Variants in PUM3 observed in about 807,000 individuals in gnomAD.
PUM3 encodes the protein pumilio homolog 3.
In PUM3, 91 loss-of-function variants were observed where a neutral mutation model predicts 84.0. The ratio of observed to expected loss-of-function variants is 1.08; its 90% CI spans 0.91 to 1.29. The LOEUF is 1.29. Ranked by LOEUF, PUM3 falls within the 50% of genes most tolerant of loss-of-function variation. The pLI is 0.00. For synonymous variants in PUM3, 321 were observed against 266.7 expected (o/e 1.20, Z -1.98); for missense variants, 1,067 against 767.5 (o/e 1.39, Z -4.61).
In PUM3 at chr9:2,831,284, C is replaced by T. The variant is rs931246335; in HGVS notation, c.577G>A (p.Glu193Lys). The change falls in exon 6 of 18, where the codon GAA becomes AAA. Residue 193 changes from glutamate (E) to lysine (K), a missense_variant. Coordinates refer to ENST00000397885, the MANE Select transcript of PUM3 (RefSeq NM_014878.5). ...IQCYIQYGNE[E>K]QRKQAFEELR... ...TCTTCAAAAGCCTGTTTTCTCTGTT[C>T]TTCATTACCATACTGAATGTAACAC... 6.2e-7 allele frequency: 1 copy of T among 1,609,012 alleles called. No homozygotes were observed.
intron 1 of PUM3, among the ~76,000 whole-genome samples, chr9:2,842,242 C>T (rs906496309): frequency 6.6e-6 from 1 of 152,142 alleles, no homozygotes; most frequent in African/African-American, 2.4e-5. Flanking sequence ...CCCATTCAGG[C>T]TCCTGTTACC....
chr9:2,836,184 A>G (rs1816115684), intron 3 of PUM3, among the ~76,000 whole-genome samples: 3 of 152,138 alleles, frequency 2.0e-5, no homozygotes, highest in Non-Finnish European at 1.5e-5. Context: ...TCCCTCTGGT[A>G]AGCAGCCCTT....
chr9:2,816,152 T>C (rs114182701), intron 13 of PUM3, among the ~76,000 whole-genome samples: 2,270 of 152,250 alleles, frequency 0.015, 74 homozygotes, highest in African/African-American at 0.051. Flanking sequence ...CTTACGGTAG[T>C]TTGCTATGGG....
chr9:2,841,700 T>C (rs4741768), intron 1 of PUM3, among the ~76,000 whole-genome samples: 69,865 of 150,086 alleles, frequency 0.47, 16,637 homozygotes, highest in South Asian at 0.58. Flanking sequence ...CCTGCAGCAA[T>C]TACTGCTGCA....
At chr9:2,813,302 T>C (rs1821407538) in intron 13 of PUM3, among the ~76,000 whole-genome samples, 1 of 152,248 alleles carries the variant, frequency 6.6e-6, no homozygotes, top group African/African-American at 2.4e-5. Flanking sequence ...AATTCCTTTA[T>C]TCTTAATAGA....
At chr9:2,814,710 T>TA (rs1322124835) in intron 13 of PUM3, among the ~76,000 whole-genome samples, 2 of 152,012 alleles carry the variant, frequency 1.3e-5, no homozygotes, top group African/African-American at 4.8e-5. Flanking sequence ...TTCTACAGTT[T>TA]AAAAAACAAA....
chr9:2,832,425 A>G (rs1816007913), intron 5 of PUM3, among the ~76,000 whole-genome samples: 1 of 152,178 alleles, frequency 6.6e-6, no homozygotes, highest in African/African-American at 2.4e-5. Context: ...GGATGATGAC[A>G]TACAGTAAAC....
rs775393848 is a variant in PUM3 at position 2,823,786 on chromosome 9, C to T, written c.1183G>A (p.Ala395Thr). The change falls in exon 12 of 18, where the codon GCT becomes ACT. Residue 395 changes from alanine to threonine, a missense_variant. By Grantham distance (58) the Ala-to-Thr change is moderately conservative. Coordinates refer to ENST00000397885, the MANE Select transcript of PUM3 (RefSeq NM_014878.5). ...TGTAGTTTTATTATACTTACATTAGCCACCTTTTCAACATAAGTCTTCATT... is the reference window on the plus strand; with the variant it reads ...TGTAGTTTTATTATACTTACATTAGTCACCTTTTCAACATAAGTCTTCATT... ...KTMKTYVEKV[A>T]NGQYSHLVLL... 9.7e-5 allele frequency: 140 copies of T among 1,441,248 alleles called. No homozygotes were observed. Among genetic ancestry groups the T allele is most frequent in the Middle Eastern group, 1.8e-4 (1 of 5,504 alleles). The allele number at this position is 1,441,248 out of a possible 1,614,324, so 89.3% of individuals were successfully genotyped here. A position where few individuals can be genotyped will look rare whatever the true frequency, so the allele number is the denominator to read the frequency against.
At chr9:2,821,320 T>C (rs570280051) in intron 12 of PUM3, among the ~76,000 whole-genome samples, 115 of 151,566 alleles carry the variant, frequency 7.6e-4, no homozygotes, top group African/African-American at 2.7e-3. Flanking sequence ...GGTGGGCGCC[T>C]GTAGTCCCAG....
At chr9:2,842,568 C>T (rs1189989065) in intron 1 of PUM3, among the ~76,000 whole-genome samples, 1 of 152,138 alleles carries the variant, frequency 6.6e-6, no homozygotes, top group East Asian at 1.9e-4. Context: ...TATAGACCAA[C>T]CTCTACATGT....
At chr9:2,814,587 T>C (rs563393476) in intron 13 of PUM3, among the ~76,000 whole-genome samples, 5 of 152,316 alleles carry the variant, frequency 3.3e-5, no homozygotes, top group South Asian at 4.1e-4. Context: ...AGTGTACCTT[T>C]AGGTACCTAT....
At chr9:2,807,305 A>C (rs908423272) in intron 17 of PUM3, among the ~76,000 whole-genome samples, 1 of 152,032 alleles carries the variant, frequency 6.6e-6, no homozygotes, top group Non-Finnish European at 1.5e-5. Context: ...GGTAGTTTAA[A>C]AATCCTAAGG....
At chr9:2,830,748 A>G (rs1437494437) in intron 7 of PUM3, among the ~76,000 whole-genome samples, 1 of 152,174 alleles carries the variant, frequency 6.6e-6, no homozygotes, top group Non-Finnish European at 1.5e-5. Context: ...TTTCTCATGT[A>G]TCTTTTTAGG....
At chr9:2,821,868 A>C (rs915600409) in intron 12 of PUM3, among the ~76,000 whole-genome samples, 2 of 152,216 alleles carry the variant, frequency 1.3e-5, no homozygotes, top group African/African-American at 4.8e-5. Context: ...AAAATGCCCA[A>C]CAGTGGGGAC....
At chr9:2,804,893 A>T (rs1385569903) in intron 17 of PUM3, among the ~76,000 whole-genome samples, 1 of 152,186 alleles carries the variant, frequency 6.6e-6, no homozygotes, top group African/African-American at 2.4e-5. Flanking sequence ...TATGCCCACC[A>T]CGTGGCTGAA....
intron 13 of PUM3, among the ~76,000 whole-genome samples, chr9:2,815,890 AG>A (rs2129810059): frequency 6.6e-6 from 1 of 152,350 alleles, no homozygotes; most frequent in African/African-American, 2.4e-5. Context: ...ATGTAAACAA[AG>A]AAAGCATGGG....
At chr9:2,814,285 C>G (rs1487755372) in intron 13 of PUM3, among the ~76,000 whole-genome samples, 1 of 56,448 alleles carries the variant, frequency 1.8e-5, no homozygotes. Flanking sequence ...GATCTTGGCT[C>G]GCTGCCATCT....
chr9:2,810,336 T>C lies in PUM3; in HGVS notation c.1723+8A>G, dbSNP rs1821339605. On this transcript the variant is annotated splice_region_variant and intron_variant, in intron 16 of 17. Transcript: ENST00000397885. ...AGATACAAGAAAAGGTCAAATTTCATAGCCTACCTTCTCTCCCATTTTCTT... is the reference window on the plus strand; with the variant it reads ...AGATACAAGAAAAGGTCAAATTTCACAGCCTACCTTCTCTCCCATTTTCTT... The C allele has an allele frequency of 6.4e-7, 1 of 1,570,040 alleles. No homozygotes were observed. Among genetic ancestry groups the C allele is most frequent in the Non-Finnish European group, 8.8e-7 (1 of 1,140,932 alleles).
At chr9:2,833,221 A>T in intron 5 of PUM3, 136 bp downstream of exon 5, 3 of 482,750 alleles carry the variant, frequency 6.2e-6, no homozygotes, top group Non-Finnish European at 1.1e-5. Context: ...GTTCAGTGTT[A>T]TGGAAGATAT....
Sources: allele counts gnomAD v4.1 joint callset (sites outside exome capture counted in the v4.1 genomes callset), GRCh38; gene constraint gnomAD v4.1.1; transcripts MANE v1.5; gene names NCBI Gene and HGNC (gene_info 2026-07-23, HGNC 2026-07-21).